The following ERC1 variants were observed in gnomAD, a reference collection of about 807,000 sequenced individuals.
The protein encoded by ERC1 is ELKS/RAB6-interacting/CAST family member 1, also known as RAB6 interacting protein 2.
ERC1 carries 56 observed loss-of-function variants against 132.0 expected under a neutral mutation model. That is an observed-to-expected ratio of 0.42 (90% confidence interval 0.34 to 0.53). The LOEUF (loss-of-function observed/expected upper bound fraction) is 0.53, where lower values mean the gene tolerates loss of function less well. ERC1 is among the 20% of genes least tolerant of loss of function. ERC1 has a pLI of 0.03. For missense variants in ERC1, 1,202 were observed against 1,349.9 expected (o/e 0.89, Z 1.72); for synonymous variants, 478 against 476.1 (o/e 1.00, Z -0.05).
chr12:1,106,276 G>C (rs1463977400), intron 4 of ERC1, among the ~76,000 whole-genome samples: 1 of 152,262 alleles, frequency 6.6e-6, no homozygotes, highest in East Asian at 1.9e-4. Context: ...ACTAGCTGTT[G>C]CAGCTGTTAT....
chr12:1,429,767 C>T (rs895369256), intron 17 of ERC1, among the ~76,000 whole-genome samples: 1 of 152,136 alleles, frequency 6.6e-6, no homozygotes, highest in Admixed American at 6.6e-5. Flanking sequence ...TAGGCATTTG[C>T]CAGGCAGATA....
intron 2 of ERC1, among the ~76,000 whole-genome samples, chr12:1,051,529 CAAAAAAAAAAAAA>C (rs35353366): frequency 0.24 from 30,810 of 128,788 alleles, 4,259 homozygotes; most frequent in African/African-American, 0.46. Context: ...GTCTCTACCC[CAAAAAAAAAAAAA>C]AAAAAAAAAA....
chr12:1,393,447 T>A (rs1472580800), intron 16 of ERC1, among the ~76,000 whole-genome samples: 1 of 152,164 alleles, frequency 6.6e-6, no homozygotes, highest in African/African-American at 2.4e-5. Context: ...GATGGGAAGA[T>A]CGCTTGAGCC....
chr12:1,117,021 TCTTA>T (rs1946531569), intron 7 of ERC1, among the ~76,000 whole-genome samples: 2 of 152,376 alleles, frequency 1.3e-5, no homozygotes, highest in Middle Eastern at 3.4e-3. Context: ...TTCTTATCTA[TCTTA>T]CTTTCAATGA....
chr12:1,225,450 ACAC>A (rs1265254993), intron 12 of ERC1, among the ~76,000 whole-genome samples: 7,832 of 50,752 alleles, frequency 0.15, 394 homozygotes, highest in African/African-American at 0.3. Context: ...GCTGTCTCTT[ACAC>A]ACACACACAC....
At position 1,382,084 on chromosome 12, in the gene ERC1, A is replaced by G. The variant is rs557815966; in HGVS notation, c.2925+10107A>G. ...CTGTCTTGTTTTCCTGTTTGTATGT[A>G]TAGCGTGGTACAATAGAAATAGTAA... is the stretch of plus-strand genomic sequence containing the variant. On this transcript the variant is annotated intron_variant, in intron 16 of 18. Coordinates refer to ENST00000360905, the MANE Select transcript of ERC1 (RefSeq NM_178040.4). Among the ~76,000 whole-genome samples the G allele has an allele frequency of 4.6e-5, 7 of 152,306 alleles. No homozygotes were observed. The East Asian group carries it at 1.4e-3, about 29-fold the overall frequency.
At chr12:1,117,825 T>G (rs1417341837) in intron 7 of ERC1, among the ~76,000 whole-genome samples, 1 of 152,216 alleles carries the variant, frequency 6.6e-6, no homozygotes, top group Non-Finnish European at 1.5e-5. Context: ...GATCTGCATT[T>G]TCTTACTTTT....
chr12:1,185,945 C>T (rs1490784877), intron 11 of ERC1, among the ~76,000 whole-genome samples: 4 of 152,120 alleles, frequency 2.6e-5, no homozygotes, highest in Admixed American at 6.5e-5. Flanking sequence ...GGTACAGTTT[C>T]GCTAACACAT....
chr12:1,193,445 C>T (rs571429867), intron 12 of ERC1, among the ~76,000 whole-genome samples: 11 of 151,964 alleles, frequency 7.2e-5, no homozygotes, highest in Non-Finnish European at 1.3e-4. Context: ...CACACACACA[C>T]ACACACACAC....
intron 15 of ERC1, among the ~76,000 whole-genome samples, chr12:1,299,049 G>A (rs934108650): frequency 2.0e-5 from 3 of 152,024 alleles, no homozygotes; most frequent in African/African-American, 7.2e-5. Context: ...AGAACTAAAG[G>A]TAAAACAAAT....
At chr12:1,240,900 T>C (rs1477636645) in intron 13 of ERC1, among the ~76,000 whole-genome samples, 1 of 152,146 alleles carries the variant, frequency 6.6e-6, no homozygotes, top group Non-Finnish European at 1.5e-5. Context: ...CCATGAGTTA[T>C]GTGTTTCATA....
chr12:1,436,906 C>T (rs1349155985), intron 17 of ERC1, among the ~76,000 whole-genome samples: 1 of 152,028 alleles, frequency 6.6e-6, no homozygotes, highest in Non-Finnish European at 1.5e-5. Flanking sequence ...TAGATTTTTG[C>T]CCCTAATGTC....
chr12:1,324,421 A>G (rs979605618), intron 15 of ERC1, among the ~76,000 whole-genome samples: 38 of 152,290 alleles, frequency 2.5e-4, no homozygotes, highest in African/African-American at 8.7e-4. Context: ...GTTAACAGGT[A>G]GACTTTGCTG....
At chr12:1,472,193 C>A (rs1202954333) in intron 18 of ERC1, among the ~76,000 whole-genome samples, 2 of 152,198 alleles carry the variant, frequency 1.3e-5, no homozygotes, top group Non-Finnish European at 2.9e-5. Flanking sequence ...TATATAGATT[C>A]ACTAGAAATC....
intron 16 of ERC1, 51 bp from the exon 17 acceptor site, chr12:1,408,098 G>T (rs752598416): frequency 1.6e-6 from 2 of 1,248,558 alleles, no homozygotes; most frequent in Non-Finnish European, 2.3e-6. Context: ...ACTTTACAGT[G>T]TGTCATAGAA....
intron 15 of ERC1, among the ~76,000 whole-genome samples, chr12:1,360,864 C>T (rs1393919655): frequency 1.3e-5 from 2 of 152,074 alleles, no homozygotes; most frequent in Admixed American, 1.3e-4. Flanking sequence ...GAGAGGATCA[C>T]TTGAGCCCAG....
intron 1 of ERC1, among the ~76,000 whole-genome samples, chr12:1,005,738 A>G (rs1006966776): frequency 3.9e-5 from 6 of 152,130 alleles, no homozygotes; most frequent in Non-Finnish European, 5.9e-5. Flanking sequence ...GAAAATGGGC[A>G]TAAATTATTT....
chr12:1,416,770 A>G (rs776278446), intron 17 of ERC1, among the ~76,000 whole-genome samples: 11 of 152,172 alleles, frequency 7.2e-5, no homozygotes, highest in Admixed American at 6.5e-4. Flanking sequence ...CAGGATAATA[A>G]TACACCTGCC....
At chr12:1,242,144 G>A (rs918855289) in intron 13 of ERC1, among the ~76,000 whole-genome samples, 1 of 151,892 alleles carries the variant, frequency 6.6e-6, no homozygotes, top group Non-Finnish European at 1.5e-5. Context: ...CAGCCTTTTT[G>A]CATTTCTTTT....
Sources: gnomAD v4.1 joint callset for allele counts (sites outside exome capture counted in the v4.1 genomes callset) on GRCh38, gnomAD v4.1.1 for gene constraint, MANE v1.5 for transcripts, NCBI Gene and HGNC (gene_info 2026-07-23, HGNC 2026-07-21) for gene names.